Variants in ATP8B1 observed in about 807,000 individuals in gnomAD.
ATP8B1 encodes phospholipid-transporting ATPase IC.
In ATP8B1, 80 loss-of-function variants were observed where a neutral mutation model predicts 149.9. The ratio of observed to expected loss-of-function variants is 0.53; its 90% CI spans 0.45 to 0.64. The LOEUF is 0.64. Ranked by LOEUF, ATP8B1 falls within the 30% of genes least tolerant of loss-of-function variation. The pLI is 0.00. For missense variants in ATP8B1, 1,247 were observed against 1,552.6 expected, an observed-to-expected ratio of 0.80 and a Z score of 3.31; for synonymous variants, 536 against 562.8, an observed-to-expected ratio of 0.95 and a Z score of 0.67.
At chr18:57,764,245 G>A (rs141044818) in intron 1 of ATP8B1, among the ~76,000 whole-genome samples, 331 of 151,916 alleles carry the variant, frequency 2.2e-3, no homozygotes, top group African/African-American at 7.7e-3. Context: ...CAGGGAGCCT[G>A]CCTTCCTTCC....
chr18:57,710,779 C>T (rs766849227), intron 2 of ATP8B1, among the ~76,000 whole-genome samples: 13 of 152,076 alleles, frequency 8.5e-5, no homozygotes, highest in Non-Finnish European at 2.9e-5. Context: ...GGGTTACAGG[C>T]GCCCACCATC....
At chr18:57,733,011 A>C (rs963036502) in intron 1 of ATP8B1, among the ~76,000 whole-genome samples, 1 of 151,876 alleles carries the variant, frequency 6.6e-6, no homozygotes, top group East Asian at 1.9e-4. Context: ...TCCCAGGAAC[A>C]CTCCCTAGCC....
chr18:57,720,074 TC>T, intron 2 of ATP8B1, among the ~76,000 whole-genome samples: 1 of 151,746 alleles, frequency 6.6e-6, no homozygotes, highest in Non-Finnish European at 1.5e-5. Flanking sequence ...AGAAAGGACA[TC>T]CACACAGAAA....
chr18:57,714,446 C>T (rs73959333), intron 2 of ATP8B1, among the ~76,000 whole-genome samples: 1,889 of 152,012 alleles, frequency 0.012, 38 homozygotes, highest in African/African-American at 0.043. Context: ...TGGGCCATGG[C>T]GAGACCCAGT....
intron 1 of ATP8B1, among the ~76,000 whole-genome samples, chr18:57,774,384 G>A (rs1259459929): frequency 1.3e-5 from 2 of 152,240 alleles, no homozygotes; most frequent in African/African-American, 4.8e-5. Flanking sequence ...GAACACCTGA[G>A]GTCAGGAGTC....
intron 1 of ATP8B1, among the ~76,000 whole-genome samples, chr18:57,743,505 A>C (rs933919432): frequency 6.6e-6 from 1 of 152,196 alleles, no homozygotes; most frequent in Non-Finnish European, 1.5e-5. Context: ...ATGCCGCTGA[A>C]GAGTGAAGTG....
At chr18:57,772,174 C>T (rs2080269347) in intron 1 of ATP8B1, among the ~76,000 whole-genome samples, 2 of 152,148 alleles carry the variant, frequency 1.3e-5, no homozygotes, top group Admixed American at 1.3e-4. Context: ...ATGTAAAATT[C>T]CATTGTTCCT....
At chr18:57,764,739 C>T (rs372169781) in intron 1 of ATP8B1, among the ~76,000 whole-genome samples, 38 of 119,260 alleles carry the variant, frequency 3.2e-4, no homozygotes, top group Admixed American at 1.0e-3. Flanking sequence ...CTTGAATTAA[C>T]TTTTCACTTT....
At chr18:57,696,110 A>ACGGCTTT (rs1192501454) in intron 8 of ATP8B1, among the ~76,000 whole-genome samples, 5 of 152,116 alleles carry the variant, frequency 3.3e-5, no homozygotes, top group Non-Finnish European at 7.4e-5. Context: ...CTCACGACTG[A>ACGGCTTT]AGGCTTTATA....
At chr18:57,770,966 C>T (rs1047019470) in intron 1 of ATP8B1, among the ~76,000 whole-genome samples, 2 of 152,180 alleles carry the variant, frequency 1.3e-5, no homozygotes, top group Non-Finnish European at 2.9e-5. Flanking sequence ...TAGGTTCAAG[C>T]GATTCTCCTG....
chr18:57,766,585 C>A (rs2123354272), intron 1 of ATP8B1, among the ~76,000 whole-genome samples: 1 of 152,262 alleles, frequency 6.6e-6, no homozygotes, highest in Non-Finnish European at 1.5e-5. Flanking sequence ...TATGAAAATC[C>A]TCTGGTGGGC....
In ATP8B1 at chr18:57,782,458, C is replaced by A. The variant is rs2080365353; in HGVS notation, c.-26+20540G>T. On this transcript the variant is annotated intron_variant, in intron 1 of 27. Coordinates refer to ENST00000648908, the MANE Select transcript of ATP8B1 (RefSeq NM_001374385.1). ...GCATCCTATAAAGAGTAGACTCTTA[C>A]ATTGTCTACTTTCCAAGCCATTCTC... is the stretch of plus-strand genomic sequence containing the variant. Among the ~76,000 whole-genome samples the A allele has an allele frequency of 2.0e-5, 3 of 152,170 alleles. No individual in the cohort carries two copies. In the South Asian group the frequency reaches 6.2e-4, roughly 32 times the overall value.
intron 1 of ATP8B1, among the ~76,000 whole-genome samples, chr18:57,789,762 C>G (rs1258227119): frequency 3.3e-5 from 5 of 151,956 alleles, no homozygotes; most frequent in Non-Finnish European, 5.9e-5. Flanking sequence ...TGCACAAATG[C>G]TTTTTTTTGC....
intron 1 of ATP8B1, among the ~76,000 whole-genome samples, chr18:57,756,653 T>TTCTCTCTC (rs112851704): frequency 8.2e-4 from 122 of 149,290 alleles, no homozygotes; most frequent in Middle Eastern, 3.4e-3. Flanking sequence ...ATGGTATTCC[T>TTCTCTCTC]TCTCTCTCTC....
chr18:57,648,640 C>G lies in ATP8B1; in HGVS notation c.3604G>C (p.Val1202Leu), dbSNP rs1259936345. 1 of 1,596,582 alleles carries G rather than the reference C, an allele frequency of 6.3e-7. No homozygotes were observed. The highest frequency in any genetic ancestry group is 8.5e-7 in the Non-Finnish European group (1 of 1,172,930). ...QRRQQVFRRG[V>L]STRRSAYAFS... ...GCGTAGGCCGAGCGCCGCGTTGACA[C>G]GCCCCGGCGGAACACCTGCTGCCGT... is the stretch of plus-strand genomic sequence containing the variant. The change falls in exon 28 of 28, where the codon GTG becomes CTG. Residue 1202 changes from valine (V) to leucine (L), a missense_variant. By Grantham distance (32) the Val-to-Leu change is conservative. This residue lies in a region of ATP8B1 where 164 missense variants were observed against 160.3 expected (regional missense o/e 1.02). Coordinates refer to ENST00000648908, the MANE Select transcript of ATP8B1 (RefSeq NM_001374385.1).
Position 57,648,334 on chromosome 18 carries a change from A to T in ATP8B1, c.*154T>A. The T allele has an allele frequency of 1.1e-6, 1 of 941,040 alleles. No individual in the cohort carries two copies. The highest frequency in any genetic ancestry group is 1.7e-6 in the Non-Finnish European group (1 of 605,352). 58.3% of individuals were successfully genotyped at this position (941,040 alleles called of 1,614,324 possible). ...CTATTTCTTGGCTCTGCTATTGTTT[A>T]ATAGTCCAACCCAAGGAGTTTGTTA... On this transcript the variant is annotated 3_prime_UTR_variant, in exon 28 of 28. Coordinates refer to ENST00000648908, the MANE Select transcript of ATP8B1 (RefSeq NM_001374385.1).
chr18:57,750,032 C>T (rs1036873751), intron 1 of ATP8B1, among the ~76,000 whole-genome samples: 1 of 152,156 alleles, frequency 6.6e-6, no homozygotes, highest in Non-Finnish European at 1.5e-5. Flanking sequence ...CACTTGAGGT[C>T]AGGAATTTGA....
At chr18:57,708,583 A>G (rs319405) in intron 2 of ATP8B1, 76,770 of 152,020 alleles carry the variant, frequency 0.5, 20,215 homozygotes, top group African/African-American at 0.56. Flanking sequence ...ACACATCCCC[A>G]CCACCAGGGT....
chr18:57,763,779 C>T (rs541916362), intron 1 of ATP8B1, among the ~76,000 whole-genome samples: 11 of 152,204 alleles, frequency 7.2e-5, no homozygotes, highest in African/African-American at 2.4e-4. Flanking sequence ...TTCCCTTTAG[C>T]TCCTTCCACT....
Sources: gnomAD v4.1 joint callset for allele counts (sites outside exome capture counted in the v4.1 genomes callset) on GRCh38, gnomAD v4.1.1 for gene constraint, gnomAD v4.1.1 regional missense constraint, MANE v1.5 for transcripts, NCBI Gene and HGNC (gene_info 2026-07-23, HGNC 2026-07-21) for gene names.